MCTP1: variants seen among roughly 807,000 people sequenced by gnomAD.
MCTP1 encodes multiple C2 and transmembrane domain containing 1, also known as multiple C2 and transmembrane domain-containing protein 1.
A neutral mutation model predicts 120.6 loss-of-function variants in MCTP1; 69 were observed. The ratio of observed to expected loss-of-function variants is 0.57; its 90% CI spans 0.47 to 0.70. The LOEUF (loss-of-function observed/expected upper bound fraction) is 0.70. Ranked by LOEUF, MCTP1 falls within the 30% of genes least tolerant of loss-of-function variation. The pLI is 0.00. For synonymous variants in MCTP1, 529 were observed against 493.1 expected, an observed-to-expected ratio of 1.07 and a Z score of -0.96; for missense variants, 1,203 against 1,248.8, an observed-to-expected ratio of 0.96 and a Z score of 0.55.
chr5:95,264,465 T>G (rs1258521018), intron 1 of MCTP1, among the ~76,000 whole-genome samples: 1 of 152,232 alleles, frequency 6.6e-6, no homozygotes, highest in Non-Finnish European at 1.5e-5. Flanking sequence ...GACCAGCAGC[T>G]GAGTCCAGCA....
At chr5:95,119,563 AAAC>A (rs1758054093) in intron 1 of MCTP1, among the ~76,000 whole-genome samples, 1 of 152,198 alleles carries the variant, frequency 6.6e-6, no homozygotes, top group South Asian at 2.1e-4. Context: ...GAAGAAAACA[AAAC>A]AAAAGATCAA....
rs542848376 is a variant in MCTP1 at position 94,809,660 on chromosome 5, T to G, written c.2437-10528A>C. Among the ~76,000 whole-genome samples the G allele has an allele frequency of 2.0e-5, 3 of 152,242 alleles. No individual in the cohort carries two copies. In the East Asian group the frequency reaches 5.8e-4, roughly 29 times the overall value. On this transcript the variant is annotated intron_variant, in intron 17 of 22. Coordinates refer to ENST00000515393, the MANE Select transcript of MCTP1 (RefSeq NM_024717.7). The stretch of plus-strand genomic sequence containing the variant: ...CAAAATCAGGCTGCAAGCACAGTCA[T>G]TCTTGCAGACTACAGATCAGCACAT...
intron 1 of MCTP1, among the ~76,000 whole-genome samples, chr5:95,139,067 G>GT (rs200625838): frequency 2.8e-4 from 42 of 150,716 alleles, no homozygotes; most frequent in South Asian, 1.7e-3. Context: ...AACATTTAGG[G>GT]TTTTTTTTTC....
chr5:94,830,732 A>G (rs1788332264), intron 17 of MCTP1, among the ~76,000 whole-genome samples: 1 of 152,204 alleles, frequency 6.6e-6, no homozygotes, highest in Non-Finnish European at 1.5e-5. Context: ...TGGGGGTGCT[A>G]CCTCACGGTC....
At chr5:95,178,746 T>C (rs1385700665) in intron 1 of MCTP1, among the ~76,000 whole-genome samples, 1 of 152,134 alleles carries the variant, frequency 6.6e-6, no homozygotes, top group African/African-American at 2.4e-5. Context: ...AAAATAATTC[T>C]GGTATTACGA....
chr5:94,732,379 T>C (rs1257297274), intron 19 of MCTP1, among the ~76,000 whole-genome samples: 1 of 152,196 alleles, frequency 6.6e-6, no homozygotes, highest in African/African-American at 2.4e-5. Context: ...GTATTTTATG[T>C]GTGGCCCAAG....
rs1230752647 is a variant in MCTP1 at position 94,950,830 on chromosome 5, T to G, written c.981+2389A>C. On this transcript the variant is annotated intron_variant, in intron 3 of 22. Coordinates refer to ENST00000515393, the MANE Select transcript of MCTP1 (RefSeq NM_024717.7). ...TTAGCTGGGCAAGGTGGTGGGCACC[T>G]GCAGTCCCAGCTACTCAGAGGCAGG... Among the ~76,000 whole-genome samples, 5 of 151,676 alleles carry G rather than the reference T, an allele frequency of 3.3e-5. No individual in the cohort carries two copies. In the East Asian group the frequency reaches 9.8e-4, roughly 30 times the overall value.
intron 19 of MCTP1, among the ~76,000 whole-genome samples, chr5:94,771,820 G>A (rs1044336252): frequency 4.6e-5 from 7 of 152,162 alleles, no homozygotes; most frequent in Non-Finnish European, 8.8e-5. Context: ...CTAGGTGCTT[G>A]GAAATCACAA....
At chr5:94,783,772 T>C (rs1420196648) in intron 18 of MCTP1, among the ~76,000 whole-genome samples, 2 of 152,096 alleles carry the variant, frequency 1.3e-5, no homozygotes, top group African/African-American at 4.8e-5. Flanking sequence ...TTATAATTTT[T>C]CCATGAGTAA....
intron 1 of MCTP1, among the ~76,000 whole-genome samples, chr5:95,060,577 T>C (rs1748695919): frequency 6.6e-6 from 1 of 152,236 alleles, no homozygotes; most frequent in Non-Finnish European, 1.5e-5. Flanking sequence ...TTCCTTTCTG[T>C]AATAACTAAA....
At chr5:94,953,652 G>A (rs912060287) in intron 2 of MCTP1, among the ~76,000 whole-genome samples, 1 of 150,150 alleles carries the variant, frequency 6.7e-6, no homozygotes, top group Non-Finnish European at 1.5e-5. Flanking sequence ...CAAAGGAAAA[G>A]AAATCATTTT....
chr5:95,040,077 A>G (rs1842071623), intron 1 of MCTP1, among the ~76,000 whole-genome samples: 1 of 152,094 alleles, frequency 6.6e-6, no homozygotes, highest in African/African-American at 2.4e-5. Flanking sequence ...AATTACAGAA[A>G]AATATACAAT....
At chr5:95,141,318 C>T (rs150502427) in intron 1 of MCTP1, among the ~76,000 whole-genome samples, 4 of 152,200 alleles carry the variant, frequency 2.6e-5, no homozygotes, top group Non-Finnish European at 4.4e-5. Context: ...ATGATTGCCA[C>T]GGGCGTATGC....
chr5:95,136,682 T>C (rs1395661751), intron 1 of MCTP1, among the ~76,000 whole-genome samples: 4 of 152,202 alleles, frequency 2.6e-5, no homozygotes, highest in African/African-American at 9.7e-5. Flanking sequence ...AATAATTTTA[T>C]ATGTAAATAC....
intron 19 of MCTP1, among the ~76,000 whole-genome samples, chr5:94,716,778 A>G (rs1319162082): frequency 6.6e-6 from 1 of 151,700 alleles, no homozygotes; most frequent in Non-Finnish European, 1.5e-5. Flanking sequence ...AGTTGAATAT[A>G]TAGGCTTAAT....
At chr5:94,834,747 A>G (rs2153175382) in intron 17 of MCTP1, among the ~76,000 whole-genome samples, 1 of 152,150 alleles carries the variant, frequency 6.6e-6, no homozygotes, top group Admixed American at 6.5e-5. Context: ...CCTATCTCAG[A>G]ACAAAACTTC....
At chr5:94,894,942 G>T in intron 10 of MCTP1, 107 bp from the exon 11 acceptor site, 1 of 686,616 alleles carries the variant, frequency 1.5e-6, no homozygotes, top group Non-Finnish European at 2.3e-6. Context: ...ATATTATTTG[G>T]ACCATTGGAA....
intron 18 of MCTP1, chr5:94,784,712 T>C (rs1015037365): frequency 1.4e-5 from 2 of 146,712 alleles, no homozygotes; most frequent in African/African-American, 5.0e-5. Context: ...ACAGTAGTCA[T>C]CAAGATAACT....
intron 1 of MCTP1, among the ~76,000 whole-genome samples, chr5:95,144,728 T>G (rs1160562327): frequency 6.6e-6 from 1 of 152,196 alleles, no homozygotes. Flanking sequence ...CTCTGTGACT[T>G]TATTTCTGAG....
Sources: gnomAD v4.1 joint callset for allele counts (sites outside exome capture counted in the v4.1 genomes callset) on GRCh38, gnomAD v4.1.1 for gene constraint, MANE v1.5 for transcripts, NCBI Gene and HGNC (gene_info 2026-07-23, HGNC 2026-07-21) for gene names.